The following FFAR1 variants were observed in gnomAD, a reference collection of about 807,000 sequenced individuals.
FFAR1 encodes the protein G-protein coupled receptor 40.
For missense variants in FFAR1, 424 were observed against 396.2 expected (o/e 1.07, Z -0.60); for synonymous variants, 216 against 201.5 (o/e 1.07, Z -0.61).
chr19:35,351,246 C>T (rs191882409), upstream of FFAR1, among the ~76,000 whole-genome samples: 19 of 152,292 alleles, frequency 1.2e-4, no homozygotes, highest in East Asian at 2.3e-3. Context: ...GGGACCTGTG[C>T]GCCACATCCT....
At chr19:35,351,434 C>T, upstream of FFAR1, 1 of 861,622 alleles carries the variant, frequency 1.2e-6, no homozygotes. Flanking sequence ...TTGTAATTCT[C>T]CACACAGGGC....
chr19:35,350,171 A>G (rs1413805210), upstream of FFAR1, among the ~76,000 whole-genome samples: 7 of 152,128 alleles, frequency 4.6e-5, no homozygotes, highest in Non-Finnish European at 1.0e-4. Flanking sequence ...TGGTCAGCAG[A>G]GGCTGCCCCC....
At position 35,352,288 on chromosome 19, in the gene FFAR1, C is replaced by T. The variant is rs147071299; in HGVS notation, c.737C>T (p.Ala246Val). ...GGACCCTACAACGCCTCCAACGTGGCCAGCTTCCTGTACCCCAATCTAGGA... is the reference window on the plus strand; with the variant it reads ...GGACCCTACAACGCCTCCAACGTGGTCAGCTTCCTGTACCCCAATCTAGGA... Residue 246 changes from alanine to valine, a missense_variant, in exon 1 of 1, where the codon GCC becomes GTC. By Grantham distance (64) the Ala-to-Val change is moderately conservative. Transcript: ENST00000246553. The T allele has an allele frequency of 4.9e-5, 76 of 1,552,180 alleles. No individual in the cohort carries two copies. In the African/African-American group the frequency reaches 9.8e-4, roughly 20 times the overall value.
exon 1 of FFAR1, chr19:35,352,466 G>C (rs776117423): frequency 7.7e-6 from 12 of 1,548,704 alleles, no homozygotes; most frequent in Middle Eastern, 3.6e-4. Flanking sequence ...GCCACTGCTC[G>C]GGGGAAGGAG....
chr19:35,349,889 G>A (rs899232341), upstream of FFAR1, among the ~76,000 whole-genome samples: 14 of 152,220 alleles, frequency 9.2e-5, no homozygotes, highest in Non-Finnish European at 1.5e-4. Flanking sequence ...ACCAGCAGGC[G>A]TGGGCACACC....
chr19:35,349,400 T>G (rs1030366978), upstream of FFAR1, among the ~76,000 whole-genome samples: 1 of 152,228 alleles, frequency 6.6e-6, no homozygotes, highest in African/African-American at 2.4e-5. Context: ...GGCTTCGCTC[T>G]TGCTGCAGGA....
chr19:35,353,181 T>C (rs962961407), exon 1 of FFAR1: 1 of 152,216 alleles, frequency 6.6e-6, no homozygotes, highest in African/African-American at 2.4e-5. Flanking sequence ...TATAAACAAT[T>C]GAGTAAGACA....
At chr19:35,350,580 G>A (rs1209838973), upstream of FFAR1, among the ~76,000 whole-genome samples, 2 of 152,100 alleles carry the variant, frequency 1.3e-5, no homozygotes, top group African/African-American at 4.8e-5. Context: ...CTACACACTC[G>A]GCCCCTACCC....
At chr19:35,352,753 C>A (rs1032122865) in exon 1 of FFAR1, 1 of 467,524 alleles carries the variant, frequency 2.1e-6, no homozygotes, top group African/African-American at 1.9e-5. Context: ...TTCCGTGGGC[C>A]GCGAGCAGAG....
At chr19:35,352,210 T>C in exon 1 of FFAR1, 1 of 1,589,148 alleles carries the variant, frequency 6.3e-7, no homozygotes, top group Non-Finnish European at 8.5e-7. Context: ...AGGCGGAAGC[T>C]GCGGGCCGCC....
chr19:35,350,136 G>A (rs2145690648), upstream of FFAR1, among the ~76,000 whole-genome samples: 1 of 152,252 alleles, frequency 6.6e-6, no homozygotes, highest in South Asian at 2.1e-4. Context: ...GCAGAGTGGG[G>A]GCCACAACCT....
At chr19:35,351,827 C>T (rs368171672) in exon 1 of FFAR1, 8 of 1,609,418 alleles carry the variant, frequency 5.0e-6, no homozygotes, top group African/African-American at 1.3e-5. Context: ...CACTCTATGC[C>T]GGCGGGGGCT....
At chr19:35,352,274 C>T (rs747794205) in exon 1 of FFAR1, 8 of 1,552,050 alleles carry the variant, frequency 5.2e-6, no homozygotes, top group African/African-American at 1.4e-5. Flanking sequence ...GACCCTACAA[C>T]GCCTCCAACG....
upstream of FFAR1, among the ~76,000 whole-genome samples, chr19:35,348,702 G>A (rs2066931825): frequency 6.6e-6 from 1 of 152,166 alleles, no homozygotes. Context: ...CATTCATTCT[G>A]CACACAGATA....
At chr19:35,347,951 T>C (rs552662019), upstream of FFAR1, among the ~76,000 whole-genome samples, 12 of 130,738 alleles carry the variant, frequency 9.2e-5, no homozygotes, top group Admixed American at 4.6e-4. Context: ...CTAATTCTGT[T>C]CACTGATTCA....
chr19:35,348,667 G>A (rs1310600711), upstream of FFAR1, among the ~76,000 whole-genome samples: 2 of 152,172 alleles, frequency 1.3e-5, no homozygotes, highest in Non-Finnish European at 2.9e-5. Flanking sequence ...CCAAAATGGG[G>A]TCTGGTGTCA....
exon 1 of FFAR1, chr19:35,353,397 G>A (rs371621058): frequency 6.6e-6 from 1 of 152,314 alleles, no homozygotes; most frequent in East Asian, 1.9e-4. Flanking sequence ...TCTGAGGTGG[G>A]AGGATCCCTT....
At chr19:35,351,692 C>G in exon 1 of FFAR1, 3 of 1,563,734 alleles carry the variant, frequency 1.9e-6, no homozygotes, top group South Asian at 1.2e-5. Flanking sequence ...ACGCCCTGAA[C>G]CTGGGCTGCT....
Position 35,352,089 on chromosome 19 carries a change from G to A in FFAR1, c.538G>A (p.Gly180Ser), listed in dbSNP as rs146654047. Residue 180 changes from glycine to serine, a missense_variant, in exon 1 of 1, where the codon GGC becomes AGC. Coordinates refer to ENST00000246553, the Ensembl canonical transcript of FFAR1. ...GGAGGCCTGGGACCCGGCCTCTGCC[G>A]GCCCGGCCCGCTTCAGCCTCTCTCT... The A allele has an allele frequency of 3.3e-3, 5,343 of 1,612,880 alleles. 15 individuals are homozygous for A. Among genetic ancestry groups the A allele is most frequent in the Middle Eastern group, 7.6e-3 (46 of 6,062 alleles).
Sources: allele counts gnomAD v4.1 joint callset (sites outside exome capture counted in the v4.1 genomes callset), GRCh38; gene constraint gnomAD v4.1.1; transcripts MANE v1.5; gene names NCBI Gene and HGNC (gene_info 2026-07-23, HGNC 2026-07-21).